The following CDK19 variants were observed in gnomAD, a reference collection of about 807,000 sequenced individuals.
CDK19 encodes cyclin dependent kinase 19.
A neutral mutation model predicts 68.3 loss-of-function variants in CDK19; 20 were observed. The ratio of observed to expected loss-of-function variants is 0.29; its 90% CI spans 0.21 to 0.43. The LOEUF is 0.43. Ranked by LOEUF, CDK19 falls within the 20% of genes least tolerant of loss-of-function variation. The pLI is 1.00. For synonymous variants in CDK19, 221 were observed against 222.8 expected (o/e 0.99, Z 0.07); for missense variants, 339 against 623.5 (o/e 0.54, Z 4.86).
intron 2 of CDK19, among the ~76,000 whole-genome samples, chr6:110,730,003 CT>C (rs1776627454): frequency 6.6e-6 from 1 of 152,150 alleles, no homozygotes; most frequent in Non-Finnish European, 1.5e-5. Context: ...TGGCCCAAGA[CT>C]AAATAGCTAC....
intron 4 of CDK19, among the ~76,000 whole-genome samples, chr6:110,648,514 A>T (rs1010846630): frequency 6.6e-6 from 1 of 151,676 alleles, no homozygotes; most frequent in African/African-American, 2.4e-5. Context: ...GGTATGCAGA[A>T]CACCATGAAA....
intron 4 of CDK19, among the ~76,000 whole-genome samples, chr6:110,653,401 C>T (rs897060342): frequency 1.2e-4 from 18 of 152,162 alleles, no homozygotes; most frequent in Non-Finnish European, 2.5e-4. Flanking sequence ...TACACACCTT[C>T]ACCCACATAA....
At chr6:110,743,381 C>T (rs1242177961) in intron 2 of CDK19, among the ~76,000 whole-genome samples, 1 of 152,096 alleles carries the variant, frequency 6.6e-6, no homozygotes, top group Non-Finnish European at 1.5e-5. Context: ...GTGACTCATG[C>T]CTGTAACTAC....
At chr6:110,669,187 A>C (rs969536060) in intron 3 of CDK19, among the ~76,000 whole-genome samples, 4 of 152,250 alleles carry the variant, frequency 2.6e-5, no homozygotes, top group African/African-American at 9.6e-5. Context: ...AACAAAAAAA[A>C]CACACTGGAA....
rs1464854949 is a variant in CDK19, at chr6:110,703,645, G to C, written c.205-33104C>G. On this transcript the variant is annotated intron_variant, in intron 2 of 12. Transcript: ENST00000368911. ...ACTTGAGCCCAGGCATTAAAAACCAGCCTTGACAACACAGGGAGACCTTGT... is the reference window on the plus strand; with the variant it reads ...ACTTGAGCCCAGGCATTAAAAACCACCCTTGACAACACAGGGAGACCTTGT... 2.0e-5 allele frequency among the ~76,000 whole-genome samples: 3 copies of C among 152,160 alleles called. No homozygotes were observed. The East Asian group carries it at 5.8e-4, about 29-fold the overall frequency.
chr6:110,619,761 C>A (rs1778591234), intron 12 of CDK19, among the ~76,000 whole-genome samples: 1 of 152,008 alleles, frequency 6.6e-6, no homozygotes. Context: ...CTATACCTCT[C>A]CACTTGTCAT....
At chr6:110,726,133 T>C (rs890247323) in intron 2 of CDK19, among the ~76,000 whole-genome samples, 1 of 152,058 alleles carries the variant, frequency 6.6e-6, no homozygotes, top group Admixed American at 6.6e-5. Context: ...TCTTATCTGA[T>C]TGGGAAAAAA....
At chr6:110,758,656 C>T (rs1778990270) in intron 1 of CDK19, among the ~76,000 whole-genome samples, 1 of 151,812 alleles carries the variant, frequency 6.6e-6, no homozygotes, top group Non-Finnish European at 1.5e-5. Flanking sequence ...TAACTACACT[C>T]CAAAGATAAA....
intron 2 of CDK19, among the ~76,000 whole-genome samples, chr6:110,701,939 G>A (rs1043192668): frequency 7.9e-5 from 12 of 151,688 alleles, no homozygotes; most frequent in Non-Finnish European, 1.0e-4. Flanking sequence ...TCAGGAGTTC[G>A]AGACCAGCTT....
intron 1 of CDK19, among the ~76,000 whole-genome samples, chr6:110,792,513 T>C (rs1781670221): frequency 2.6e-5 from 4 of 152,256 alleles, no homozygotes; most frequent in Non-Finnish European, 4.4e-5. Context: ...GTTCAAGTGA[T>C]TCTCTTGCCT....
At chr6:110,735,107 T>A (rs999856710) in intron 2 of CDK19, among the ~76,000 whole-genome samples, 2 of 146,644 alleles carry the variant, frequency 1.4e-5, no homozygotes, top group African/African-American at 5.0e-5. Context: ...TAATTTTTAA[T>A]CTTCTTTTTT....
chr6:110,747,470 A>T (rs903624413), intron 1 of CDK19, among the ~76,000 whole-genome samples: 21 of 152,216 alleles, frequency 1.4e-4, no homozygotes, highest in African/African-American at 5.1e-4. Flanking sequence ...AATGATGGCT[A>T]GAAGGTCATT....
At chr6:110,770,388 A>G (rs1305049119) in intron 1 of CDK19, among the ~76,000 whole-genome samples, 5 of 152,214 alleles carry the variant, frequency 3.3e-5, no homozygotes, top group African/African-American at 1.2e-4. Flanking sequence ...GGTGGCAGCA[A>G]GAGAAAATGA....
chr6:110,786,458 AG>A (rs1237725383), intron 1 of CDK19, among the ~76,000 whole-genome samples: 1 of 152,122 alleles, frequency 6.6e-6, no homozygotes, highest in Non-Finnish European at 1.5e-5. Context: ...TTTCTCCAGC[AG>A]GAATGTATTG....
rs537624552 is a variant in CDK19, at chr6:110,627,203, A to G, written c.647-58T>C. The G allele has an allele frequency of 2.3e-6, 3 of 1,297,238 alleles. No individual in the cohort carries two copies. The African/African-American group carries it at 4.4e-5, about 19-fold the overall frequency. 80.4% of individuals were successfully genotyped at this position (1,297,238 alleles called of 1,614,324 possible). On this transcript the variant is annotated intron_variant, in intron 6 of 12. Transcript: ENST00000368911. ...ATTTCCTTGGTTATAATTCCTAGATATAATCCCAGCCTACTTATAAAAATA... is the reference window on the plus strand; with the variant it reads ...ATTTCCTTGGTTATAATTCCTAGATGTAATCCCAGCCTACTTATAAAAATA...
chr6:110,693,326 C>T (rs773235523), intron 2 of CDK19, among the ~76,000 whole-genome samples: 9 of 152,216 alleles, frequency 5.9e-5, no homozygotes, highest in Non-Finnish European at 1.2e-4. Context: ...CCTGAAAATC[C>T]AGATCATGGG....
chr6:110,648,488 A>C (rs1780750234), intron 4 of CDK19, among the ~76,000 whole-genome samples: 1 of 152,042 alleles, frequency 6.6e-6, no homozygotes, highest in African/African-American at 2.4e-5. Flanking sequence ...AAATATATCA[A>C]AGAATGTACA....
At chr6:110,657,065 A>G (rs1781349960) in intron 4 of CDK19, among the ~76,000 whole-genome samples, 1 of 152,236 alleles carries the variant, frequency 6.6e-6, no homozygotes, top group African/African-American at 2.4e-5. Flanking sequence ...TAAGAATGTC[A>G]GAGATAGAAA....
intron 2 of CDK19, among the ~76,000 whole-genome samples, chr6:110,677,826 T>C (rs1333115836): frequency 1.3e-5 from 2 of 152,170 alleles, no homozygotes; most frequent in East Asian, 1.9e-4. Flanking sequence ...CATAAGGTTC[T>C]TGAAGACAAA....
Sources: allele counts gnomAD v4.1 joint callset (sites outside exome capture counted in the v4.1 genomes callset), GRCh38; gene constraint gnomAD v4.1.1; transcripts MANE v1.5; gene names NCBI Gene and HGNC (gene_info 2026-07-23, HGNC 2026-07-21).